CSMD1: variants seen among roughly 807,000 people sequenced by gnomAD.
CSMD1 encodes the protein CUB and sushi domain-containing protein 1.
Under a neutral mutation model 417.5 loss-of-function variants are expected in CSMD1, and 213 were observed. The ratio of observed to expected loss-of-function variants is 0.51; its 90% CI spans 0.46 to 0.57. CSMD1 has a LOEUF of 0.57. Among genes scored for constraint, CSMD1 ranks in the 20% least tolerant of loss-of-function variants. The pLI is 0.00. For synonymous variants in CSMD1, 2,862 were observed against 1,736.8 expected, an observed-to-expected ratio of 1.65 and a Z score of -16.11; for missense variants, 6,923 against 4,529.7, an observed-to-expected ratio of 1.53 and a Z score of -15.17.
At chr8:3,455,095 C>T (rs908130857) in intron 12 of CSMD1, among the ~76,000 whole-genome samples, 29 of 152,142 alleles carry the variant, frequency 1.9e-4, no homozygotes, top group African/African-American at 4.6e-4. Flanking sequence ...TTCTTTCTAT[C>T]GATCGAATCG....
chr8:3,107,868 A>G, intron 44 of CSMD1, 70 bp from the exon 45 acceptor site: 1 of 971,016 alleles, frequency 1.0e-6, no homozygotes, highest in African/African-American at 1.7e-5. Context: ...CTATTACAAA[A>G]CATTCATCTT....
rs147229632 is a variant in CSMD1, at chr8:3,057,448, G to C, written c.7475-4801C>G. Among the ~76,000 whole-genome samples, 952 of 152,092 alleles carry C rather than the reference G, an allele frequency of 6.3e-3. 3 individuals carry two copies. Among genetic ancestry groups the C allele is most frequent in the Non-Finnish European group, 0.011 (714 of 67,984 alleles). On this transcript the variant is annotated intron_variant, in intron 49 of 69. Transcript: ENST00000635120. Reference sequence around the variant, plus strand: ...TCATCAACTATATGTGTATTTGCAGGTATGTGTGTGTGTTTGTGTATATAT... The same window carrying C: ...TCATCAACTATATGTGTATTTGCAGCTATGTGTGTGTGTTTGTGTATATAT...
chr8:3,861,879 G>A (rs1804734072), intron 5 of CSMD1, among the ~76,000 whole-genome samples: 1 of 152,136 alleles, frequency 6.6e-6, no homozygotes, highest in Non-Finnish European at 1.5e-5. Context: ...AAAACCCACA[G>A]TGGAAGTCAT....
intron 5 of CSMD1, among the ~76,000 whole-genome samples, chr8:3,920,250 C>G (rs897046506): frequency 1.3e-5 from 2 of 151,876 alleles, no homozygotes; most frequent in African/African-American, 4.8e-5. Context: ...GCCCGGGATG[C>G]TCTTGAACTC....
chr8:4,558,825 G>A (rs1309029993), intron 2 of CSMD1, among the ~76,000 whole-genome samples: 1 of 152,170 alleles, frequency 6.6e-6, no homozygotes, highest in Non-Finnish European at 1.5e-5. Context: ...TGGAGATCGT[G>A]CCACTGCACT....
At chr8:4,073,443 C>G (rs761342626) in intron 3 of CSMD1, among the ~76,000 whole-genome samples, 1 of 152,036 alleles carries the variant, frequency 6.6e-6, no homozygotes, top group Admixed American at 6.5e-5. Flanking sequence ...TTATTCTGTG[C>G]GACTGTCTTA....
At chr8:3,234,134 C>G (rs1356690361) in intron 26 of CSMD1, among the ~76,000 whole-genome samples, 1 of 152,172 alleles carries the variant, frequency 6.6e-6, no homozygotes, top group Non-Finnish European at 1.5e-5. Context: ...AGAGTGGAAG[C>G]TCCACATCAC....
intron 23 of CSMD1, among the ~76,000 whole-genome samples, chr8:3,311,768 G>C (rs896902924): frequency 2.0e-5 from 3 of 150,776 alleles, no homozygotes; most frequent in Non-Finnish European, 3.0e-5. Flanking sequence ...TGTTCTGATT[G>C]TACAGAAGCG....
intron 5 of CSMD1, among the ~76,000 whole-genome samples, chr8:3,912,028 T>C (rs181595514): frequency 6.6e-6 from 1 of 152,310 alleles, no homozygotes; most frequent in Non-Finnish European, 1.5e-5. Flanking sequence ...TATAGACACA[T>C]ATGGAGTATA....
chr8:3,783,837 A>G (rs1012145414), intron 5 of CSMD1, among the ~76,000 whole-genome samples: 28 of 152,160 alleles, frequency 1.8e-4, no homozygotes, highest in African/African-American at 6.5e-4. Context: ...TTACCAATTA[A>G]TATTGATGGA....
intron 4 of CSMD1, among the ~76,000 whole-genome samples, chr8:4,026,644 A>C (rs1585158036): frequency 1.3e-5 from 2 of 152,258 alleles, no homozygotes; most frequent in South Asian, 2.1e-4. Flanking sequence ...GGAAGCTACA[A>C]GCTAACACCA....
intron 3 of CSMD1, among the ~76,000 whole-genome samples, chr8:4,232,429 C>T (rs1213786348): frequency 6.6e-6 from 1 of 152,138 alleles, no homozygotes; most frequent in African/African-American, 2.4e-5. Flanking sequence ...GAACTCCTGA[C>T]CTCAGGTGAT....
chr8:4,624,149 G>T (rs190567255), intron 2 of CSMD1, among the ~76,000 whole-genome samples: 4 of 152,176 alleles, frequency 2.6e-5, no homozygotes, highest in Admixed American at 2.6e-4. Flanking sequence ...AACCAAAATA[G>T]CAGGTTTGCA....
chr8:4,811,361 C>G (rs1563461736), intron 1 of CSMD1, among the ~76,000 whole-genome samples: 1 of 151,908 alleles, frequency 6.6e-6, no homozygotes, highest in Non-Finnish European at 1.5e-5. Context: ...AGTATTGGCC[C>G]CCTGTATTTT....
intron 3 of CSMD1, among the ~76,000 whole-genome samples, chr8:4,109,982 C>A (rs1405684979): frequency 6.6e-6 from 1 of 152,094 alleles, no homozygotes; most frequent in Non-Finnish European, 1.5e-5. Flanking sequence ...CAAGGACTAA[C>A]TAGAACCACA....
intron 3 of CSMD1, among the ~76,000 whole-genome samples, chr8:4,315,691 C>T (rs1014507901): frequency 2.0e-5 from 3 of 152,016 alleles, no homozygotes; most frequent in Non-Finnish European, 2.9e-5. Flanking sequence ...TATAAAATAG[C>T]CATTGAAGTC....
At chr8:3,699,463 C>G (rs540363572) in intron 7 of CSMD1, among the ~76,000 whole-genome samples, 1 of 152,316 alleles carries the variant, frequency 6.6e-6, no homozygotes, top group Non-Finnish European at 1.5e-5. Context: ...GACATTTCAG[C>G]CACGGAGGAA....
intron 5 of CSMD1, among the ~76,000 whole-genome samples, chr8:3,819,533 T>TAC (rs10566509): frequency 2.4e-4 from 20 of 82,412 alleles, no homozygotes; most frequent in Middle Eastern, 8.1e-3. Context: ...AGGTGATTTC[T>TAC]ACACACACAC....
chr8:4,704,192 T>G (rs1807771378), intron 1 of CSMD1, among the ~76,000 whole-genome samples: 1 of 152,230 alleles, frequency 6.6e-6, no homozygotes, highest in South Asian at 2.1e-4. Context: ...AAGTCAAATT[T>G]AATACGCTGG....
Sources: gnomAD v4.1 joint callset for allele counts (sites outside exome capture counted in the v4.1 genomes callset) on GRCh38, gnomAD v4.1.1 for gene constraint, MANE v1.5 for transcripts, NCBI Gene and HGNC (gene_info 2026-07-23, HGNC 2026-07-21) for gene names.